The following CEP126 variants were observed in gnomAD, a reference collection of about 807,000 sequenced individuals.
CEP126 encodes the protein centrosomal protein of 126 kDa.
Under a neutral mutation model 107.8 loss-of-function variants are expected in CEP126, and 74 were observed. The ratio of observed to expected loss-of-function variants is 0.69; its 90% CI spans 0.57 to 0.83. The LOEUF is 0.83. CEP126 is among the 40% of genes least tolerant of loss of function. CEP126 has a pLI of 0.00. For missense variants in CEP126, 1,237 were observed against 1,281.9 expected (o/e 0.96, Z 0.53); for synonymous variants, 449 against 446.0 (o/e 1.01, Z -0.08).
At chr11:101,948,215 C>A in intron 4 of CEP126, 73 bp downstream of exon 4, 1 of 838,006 alleles carries the variant, frequency 1.2e-6, no homozygotes, top group South Asian at 2.0e-5. Context: ...TGCTTGTCAG[C>A]TTTTTCATCA....
At chr11:101,918,042 GC>G (rs1218215842) in intron 1 of CEP126, among the ~76,000 whole-genome samples, 6 of 152,084 alleles carry the variant, frequency 3.9e-5, no homozygotes, top group African/African-American at 1.4e-4. Context: ...AGACTTGGAT[GC>G]CCTGACAGGT....
At chr11:101,922,826 A>C in intron 2 of CEP126, 66 bp downstream of exon 2, 1 of 1,262,926 alleles carries the variant, frequency 7.9e-7, no homozygotes, top group Non-Finnish European at 1.1e-6. Context: ...TAGTTTCTCT[A>C]CTTTGTAGCA....
chr11:101,967,772 G>A (rs1941074681), intron 6 of CEP126, among the ~76,000 whole-genome samples: 2 of 152,122 alleles, frequency 1.3e-5, no homozygotes, highest in Non-Finnish European at 2.9e-5. Flanking sequence ...ACAATATTAT[G>A]GCTAATGGAT....
At chr11:101,915,523 C>A in intron 1 of CEP126, 111 bp downstream of exon 1, 2 of 1,323,904 alleles carry the variant, frequency 1.5e-6, no homozygotes. Context: ...ACTAGCAAGT[C>A]ATCTTAGTGC....
intron 4 of CEP126, among the ~76,000 whole-genome samples, chr11:101,951,579 G>C (rs1337478977): frequency 6.6e-6 from 1 of 151,704 alleles, no homozygotes; most frequent in African/African-American, 2.4e-5. Flanking sequence ...GGAGAAAGAA[G>C]AGCAACAAGA....
At chr11:101,937,949 C>G (rs570787504) in intron 2 of CEP126, among the ~76,000 whole-genome samples, 1 of 150,802 alleles carries the variant, frequency 6.6e-6, no homozygotes, top group South Asian at 2.1e-4. Flanking sequence ...GTCAGGAGAT[C>G]GAGACCATCC....
rs1209529294 is a variant in CEP126, at chr11:101,963,776, G to T, written c.2741G>T (p.Cys914Phe). ...TATTGCACCCAAAGAAGTCCTGTTT[G>T]TGAAGAAAGTTATCCGTCTGTGACT... ...TLYCTQRSPV[C>F]EESYPSVTLR... Residue 914 changes from cysteine (C) to phenylalanine (F), a missense_variant, in exon 6 of 11, where the codon TGT (cysteine) becomes TTT (phenylalanine). This residue lies in a region of CEP126 where 1,134 missense variants were observed against 1,150.5 expected (regional missense o/e 0.99). Transcript: ENST00000263468. 1.2e-6 allele frequency: 2 copies of T among 1,614,138 alleles called. No individual in the cohort carries two copies.
At chr11:101,960,361 A>C (rs1245411612) in intron 5 of CEP126, among the ~76,000 whole-genome samples, 1 of 152,214 alleles carries the variant, frequency 6.6e-6, no homozygotes, top group Admixed American at 6.5e-5. Context: ...TGGATGTCAT[A>C]CTTATATCTA....
intron 6 of CEP126, among the ~76,000 whole-genome samples, chr11:101,975,414 ACAAT>A (rs1941182068): frequency 1.3e-5 from 2 of 152,360 alleles, no homozygotes; most frequent in South Asian, 4.1e-4. Context: ...TCTGTGAGAC[ACAAT>A]CAATCAGAAT....
At chr11:101,918,798 G>A (rs1003256708) in intron 1 of CEP126, among the ~76,000 whole-genome samples, 1 of 152,314 alleles carries the variant, frequency 6.6e-6, no homozygotes, top group South Asian at 2.1e-4. Flanking sequence ...TACTCATGAA[G>A]GTGTCATCAA....
intron 2 of CEP126, among the ~76,000 whole-genome samples, chr11:101,935,727 A>C (rs181165749): frequency 5.9e-5 from 9 of 152,246 alleles, no homozygotes; most frequent in Admixed American, 3.9e-4. Flanking sequence ...TTATAGCAGG[A>C]ATTCTCAACA....
intron 1 of CEP126, among the ~76,000 whole-genome samples, chr11:101,922,230 C>T (rs907700668): frequency 6.9e-6 from 1 of 145,528 alleles, no homozygotes; most frequent in Admixed American, 7.0e-5. Flanking sequence ...AATGGCACAA[C>T]CTTGGCTCAC....
At chr11:101,989,547 C>T (rs1207297857) in intron 9 of CEP126, among the ~76,000 whole-genome samples, 3 of 152,148 alleles carry the variant, frequency 2.0e-5, no homozygotes, top group Admixed American at 6.5e-5. Flanking sequence ...ATGTAGAAGG[C>T]CAGAATGCAT....
intron 2 of CEP126, among the ~76,000 whole-genome samples, chr11:101,940,962 C>A (rs1940655558): frequency 6.6e-6 from 1 of 152,110 alleles, no homozygotes; most frequent in Admixed American, 6.5e-5. Flanking sequence ...CTTCATTGGA[C>A]ATTATGTTTA....
At position 101,963,502 on chromosome 11, in the gene CEP126, C is replaced by T; in HGVS notation, c.2467C>T (p.Pro823Ser). ...GKNIQVSQCQ[P>S]VTPENPQNII... ...AAATATACAAGTGTCTCAGTGTCAA[C>T]CAGTAACTCCTGAAAATCCTCAAAA... Residue 823 changes from proline (P) to serine (S), a missense_variant, in exon 6 of 11, where the codon CCA becomes TCA. Around this residue, in one of 3 missense-constraint regions of CEP126, gnomAD observed 1,134 missense variants for 1,150.5 expected, o/e 0.99. Coordinates refer to ENST00000263468, the MANE Select transcript of CEP126 (RefSeq NM_020802.4). The T allele has an allele frequency of 6.2e-7, 1 of 1,613,956 alleles. No individual in the cohort carries two copies. The highest frequency in any genetic ancestry group is 8.5e-7 in the Non-Finnish European group (1 of 1,179,920).
intron 7 of CEP126, among the ~76,000 whole-genome samples, chr11:101,980,972 A>T (rs118080079): frequency 6.6e-6 from 1 of 152,346 alleles, no homozygotes; most frequent in Non-Finnish European, 1.5e-5. Flanking sequence ...GTTTTATCTG[A>T]CAGAAAACAA....
At chr11:101,992,699 A>T in intron 9 of CEP126, 79 bp from the exon 10 acceptor site, 2 of 825,070 alleles carry the variant, frequency 2.4e-6, no homozygotes, top group South Asian at 2.0e-5. Flanking sequence ...ATCAGAATTT[A>T]ATATTTGATT....
rs1366442672 is a variant in CEP126, at chr11:101,934,223, T to C, written c.249-10042T>C. On this transcript the variant is annotated intron_variant, in intron 2 of 10. Coordinates refer to ENST00000263468, the MANE Select transcript of CEP126 (RefSeq NM_020802.4). ...TCCTTGAAAGTTTTAGCAACTTGGC[T>C]CTTTTTGTCTCCCTACTATTATTCC... Among the ~76,000 whole-genome samples the C allele has an allele frequency of 2.6e-5, 4 of 152,112 alleles. No individual in the cohort carries two copies. The South Asian group carries it at 6.2e-4, about 24-fold the overall frequency.
intron 5 of CEP126, among the ~76,000 whole-genome samples, chr11:101,961,044 A>G (rs950464895): frequency 6.6e-6 from 1 of 152,122 alleles, no homozygotes; most frequent in African/African-American, 2.4e-5. Context: ...TATGGAATTT[A>G]TGGAAATTAC....
Sources: gnomAD v4.1 joint callset for allele counts (sites outside exome capture counted in the v4.1 genomes callset) on GRCh38, gnomAD v4.1.1 for gene constraint, gnomAD v4.1.1 regional missense constraint, MANE v1.5 for transcripts, NCBI Gene and HGNC (gene_info 2026-07-23, HGNC 2026-07-21) for gene names.